The following NIBAN2 variants were observed in gnomAD, a reference collection of about 807,000 sequenced individuals.
The protein encoded by NIBAN2 is niban apoptosis regulator 2, also known as protein Niban 2.
Under a neutral mutation model 81.8 loss-of-function variants are expected in NIBAN2, and 36 were observed. The ratio of observed to expected loss-of-function variants is 0.44; its 90% CI spans 0.34 to 0.58. NIBAN2 has a LOEUF of 0.58. Ranked by LOEUF, NIBAN2 falls within the 20% of genes least tolerant of loss-of-function variation. NIBAN2 has a pLI of 0.02. For missense variants in NIBAN2, 897 were observed against 1,014.1 expected (o/e 0.88, Z 1.57); for synonymous variants, 445 against 441.6 (o/e 1.01, Z -0.10).
chr9:127,573,267 A>AC (rs764249991), upstream of NIBAN2, among the ~76,000 whole-genome samples: 4 of 150,438 alleles, frequency 2.7e-5, no homozygotes, highest in African/African-American at 9.8e-5. Context: ...GACTGGTGGG[A>AC]CCCCAGATGG....
chr9:127,550,728 G>A (rs1353906002), intron 1 of NIBAN2, among the ~76,000 whole-genome samples: 1 of 152,200 alleles, frequency 6.6e-6, no homozygotes, highest in Non-Finnish European at 1.5e-5. Flanking sequence ...TATGGCCCAA[G>A]AGGCAGGACC....
At chr9:127,558,832 T>C (rs1837722684) in intron 1 of NIBAN2, among the ~76,000 whole-genome samples, 1 of 152,184 alleles carries the variant, frequency 6.6e-6, no homozygotes, top group African/African-American at 2.4e-5. Flanking sequence ...ACAGCTTCCC[T>C]AAGAATTCAG....
At chr9:127,549,036 G>T (rs1043090674) in intron 1 of NIBAN2, among the ~76,000 whole-genome samples, 2 of 152,180 alleles carry the variant, frequency 1.3e-5, no homozygotes, top group Non-Finnish European at 2.9e-5. Context: ...AAGAGTTGGT[G>T]TGAGGACTAA....
chr9:127,505,428 C>A lies in NIBAN2; in HGVS notation c.*1417G>T, dbSNP rs1050755754. 1 of 152,672 alleles carries A rather than the reference C, an allele frequency of 6.5e-6. No homozygotes were observed. The highest frequency in any genetic ancestry group is 1.5e-5 in the Non-Finnish European group (1 of 68,054). The allele number at this position is 152,672 out of a possible 1,614,324, so 9.5% of individuals were successfully genotyped here. On this transcript the variant is annotated 3_prime_UTR_variant, in exon 14 of 14. Coordinates refer to ENST00000373312, the MANE Select transcript of NIBAN2 (RefSeq NM_022833.4). ...CAATATCAGGGAGGGATGATGGGAA[C>A]CCCTCAAAAGGCACTAGAGGCGCAG...
At chr9:127,562,121 G>C (rs1837784696) in intron 1 of NIBAN2, among the ~76,000 whole-genome samples, 1 of 152,134 alleles carries the variant, frequency 6.6e-6, no homozygotes, top group Non-Finnish European at 1.5e-5. Flanking sequence ...AGTAATGACG[G>C]GTGGGATAGA....
intron 1 of NIBAN2, among the ~76,000 whole-genome samples, chr9:127,555,485 T>A (rs533342954): frequency 1.4e-4 from 21 of 151,992 alleles, no homozygotes; most frequent in African/African-American, 4.8e-4. Context: ...CCCAGAACCA[T>A]GGGGGGCCAG....
chr9:127,508,433 G>A lies in NIBAN2; in HGVS notation c.1423C>T (p.Arg475Trp), dbSNP rs779130348. 9 of 1,608,928 alleles carry A rather than the reference G, an allele frequency of 5.6e-6. No homozygotes were observed. The highest frequency in any genetic ancestry group is 1.1e-5 in the South Asian group (1 of 90,954). Residue 475 changes from arginine to tryptophan, a missense_variant, in exon 11 of 14, where the codon CGG (arginine) becomes TGG (tryptophan). Arg to Trp is a moderately radical substitution (Grantham distance 101). This residue lies in a region of NIBAN2 where 619 missense variants were observed against 691.0 expected (regional missense o/e 0.90). Coordinates refer to ENST00000373312, the MANE Select transcript of NIBAN2 (RefSeq NM_022833.4). The surrounding 1 kb of genome is among the most constrained non-coding windows in gnomAD (Gnocchi z 6.4). Reference sequence around the variant, plus strand: ...GTGGGGCCGCTCACCTTCAGCACCCGCTCCAGGACCCGCTGGATGGACTTG... The same window carrying A: ...GTGGGGCCGCTCACCTTCAGCACCCACTCCAGGACCCGCTGGATGGACTTG... ...LCKSIQRVLE[R>W]VLKKYDYDSS...
chr9:127,567,314 G>A (rs370194596), intron 1 of NIBAN2, among the ~76,000 whole-genome samples: 1 of 152,224 alleles, frequency 6.6e-6, no homozygotes, highest in South Asian at 2.1e-4. Context: ...TGCTGCGACA[G>A]GGAGGGGACA....
chr9:127,546,213 C>T (rs1345577985), intron 1 of NIBAN2, among the ~76,000 whole-genome samples: 1 of 152,228 alleles, frequency 6.6e-6, no homozygotes, highest in East Asian at 1.9e-4. Context: ...TGTCTCTGGC[C>T]TTCATTCCTT....
In NIBAN2 at chr9:127,565,782, C is replaced by CAA. The variant is rs34713108; in HGVS notation, c.55+3036_55+3037dup. 3.3e-3 allele frequency among the ~76,000 whole-genome samples: 234 copies of CAA among 70,810 alleles called. 3 individuals carry two copies. The highest frequency in any genetic ancestry group is 9.6e-3 in the East Asian group (21 of 2,192). The allele number at this position is 70,810 out of a possible 152,430, so 46.5% of individuals were successfully genotyped here. ...TGGGACAGAGAGTGAGACTCTGTCT[C>CAA]AAAAAAAAAAAAAAAAAAAAAGATG... On this transcript the variant is annotated intron_variant, in intron 1 of 13. Transcript: ENST00000373312.
chr9:127,561,386 A>G, intron 1 of NIBAN2: 1 of 653,900 alleles, frequency 1.5e-6, no homozygotes, highest in Non-Finnish European at 1.9e-6. Flanking sequence ...TTAGCTCAAT[A>G]AAGTCACAAT....
intron 5 of NIBAN2, among the ~76,000 whole-genome samples, chr9:127,520,098 G>T (rs1249950610): frequency 6.6e-6 from 1 of 152,156 alleles, no homozygotes. Context: ...AAGTTTCAGG[G>T]TCACCCCTCC....
At chr9:127,519,487 A>C (rs1298910247) in intron 5 of NIBAN2, among the ~76,000 whole-genome samples, 18 of 152,238 alleles carry the variant, frequency 1.2e-4, no homozygotes, top group Non-Finnish European at 1.5e-5. Flanking sequence ...AAGCCTGTGC[A>C]TCAGAAACCT....
At chr9:127,550,751 A>G (rs1169849515) in intron 1 of NIBAN2, among the ~76,000 whole-genome samples, 2 of 152,190 alleles carry the variant, frequency 1.3e-5, no homozygotes, top group East Asian at 3.8e-4. Context: ...TCCTGCAAAT[A>G]TAGGGCTGGG....
Position 127,508,844 on chromosome 9 carries a change from G to A in NIBAN2, c.1317+132C>T, listed in dbSNP as rs1461883629. ...GGCAGAGGCACAGATGTTCCAAGCA[G>A]AGGAGGAGAGAGCGTGCCAGGCAAG... On this transcript the variant is annotated intron_variant, in intron 10 of 13. Coordinates refer to ENST00000373312, the MANE Select transcript of NIBAN2 (RefSeq NM_022833.4). The surrounding 1 kb of genome is among the most constrained non-coding windows in gnomAD (Gnocchi z 6.4). The A allele has an allele frequency of 9.8e-7, 1 of 1,025,470 alleles. No homozygotes were observed. The highest frequency in any genetic ancestry group is 1.3e-5 in the South Asian group (1 of 74,998). 63.5% of individuals were successfully genotyped at this position (1,025,470 alleles called of 1,614,324 possible).
chr9:127,512,904 C>A (rs762566304), intron 8 of NIBAN2, among the ~76,000 whole-genome samples: 2 of 152,164 alleles, frequency 1.3e-5, no homozygotes, highest in Non-Finnish European at 2.9e-5. Context: ...CCCATCGCAG[C>A]GATATCTGCA....
chr9:127,565,706 C>T (rs527886470), intron 1 of NIBAN2, among the ~76,000 whole-genome samples: 39 of 150,896 alleles, frequency 2.6e-4, no homozygotes, highest in Non-Finnish European at 1.5e-5. Flanking sequence ...TCACTTGAAC[C>T]CAGGAGGTGG....
In NIBAN2 at chr9:127,509,012, G is replaced by A. The variant is rs1369433407; in HGVS notation, c.1281C>T (p.Ser427=). 3.7e-6 allele frequency: 6 copies of A among 1,613,774 alleles called. No individual in the cohort carries two copies. The highest frequency in any genetic ancestry group is 2.2e-5 in the East Asian group (1 of 44,884). ...GGATCTGGGCTCGCTGCTTGAACAC[G>A]GACGTGCTGGACACATCAAATCGCT... ...LQQRFDVSST[S]VFKQRAQIHM... is the part of the protein sequence containing the mutation. Residue 427 remains serine (S), a synonymous_variant, in exon 10 of 14, where the codon TCC becomes TCT. Transcript: ENST00000373312.
At position 127,506,786 on chromosome 9, in the gene NIBAN2, C is replaced by T; in HGVS notation, c.*59G>A. On this transcript the variant is annotated 3_prime_UTR_variant, in exon 14 of 14. Transcript: ENST00000373312. The stretch of plus-strand genomic sequence containing the variant: ...CAGGGTGCCCTCCCCAGAGCTGAGC[C>T]TGCCTGGGTCCGGAAGGGAACGGCC... The T allele has an allele frequency of 1.4e-6, 2 of 1,477,266 alleles. No individual in the cohort carries two copies. Among genetic ancestry groups the T allele is most frequent in the Non-Finnish European group, 1.8e-6 (2 of 1,092,902 alleles). The allele number at this position is 1,477,266 out of a possible 1,614,324, so 91.5% of individuals were successfully genotyped here. A position where few individuals can be genotyped will look rare whatever the true frequency, so the allele number is the denominator to read the frequency against.
Sources: allele counts gnomAD v4.1 joint callset (sites outside exome capture counted in the v4.1 genomes callset), GRCh38; gene constraint gnomAD v4.1.1; regional missense constraint gnomAD v4.1.1; non-coding constraint Gnocchi (gnomAD v3.1); transcripts MANE v1.5; gene names NCBI Gene and HGNC (gene_info 2026-07-23, HGNC 2026-07-21).